AQR: variants seen among roughly 807,000 people sequenced by gnomAD.
AQR encodes RNA helicase aquarius.
Under a neutral mutation model 180.5 loss-of-function variants are expected in AQR, and 61 were observed. The observed-to-expected ratio is 0.34, with a 90% CI of 0.28 to 0.42. AQR has a LOEUF of 0.42. Among genes scored for constraint, AQR ranks in the 10% least tolerant of loss-of-function variants. The pLI is 1.00. For missense variants in AQR, 1,281 were observed against 1,798.3 expected, an observed-to-expected ratio of 0.71 and a Z score of 5.20; for synonymous variants, 551 against 588.8, an observed-to-expected ratio of 0.94 and a Z score of 0.93.
chr15:34,946,242 A>G (rs1301317966), intron 5 of AQR, among the ~76,000 whole-genome samples: 1 of 152,260 alleles, frequency 6.6e-6, no homozygotes, highest in Non-Finnish European at 1.5e-5. Context: ...TTTGCACTCC[A>G]GCCTGGATAA....
chr15:34,928,379 T>A (rs896728721), intron 12 of AQR, among the ~76,000 whole-genome samples: 1 of 152,114 alleles, frequency 6.6e-6, no homozygotes, highest in Non-Finnish European at 1.5e-5. Context: ...CTGGTGTGTG[T>A]TGTTTCCTTC....
intron 22 of AQR, among the ~76,000 whole-genome samples, chr15:34,894,589 TA>T (rs2140473182): frequency 6.6e-6 from 1 of 152,234 alleles, no homozygotes; most frequent in South Asian, 2.1e-4. Context: ...GCAAATATAA[TA>T]AGAGGCTATT....
intron 2 of AQR, among the ~76,000 whole-genome samples, chr15:34,962,239 T>A (rs1595813139): frequency 6.6e-6 from 1 of 152,154 alleles, no homozygotes; most frequent in South Asian, 2.1e-4. Flanking sequence ...CCCAGGTTGG[T>A]CTTGAACTCC....
chr15:34,893,237 T>G (rs1893177606), intron 23 of AQR, among the ~76,000 whole-genome samples: 1 of 152,332 alleles, frequency 6.6e-6, no homozygotes, highest in South Asian at 2.1e-4. Context: ...TTTCTATCCC[T>G]AATGCAGCCC....
intron 16 of AQR, among the ~76,000 whole-genome samples, chr15:34,914,665 C>T (rs958151772): frequency 3.9e-5 from 6 of 152,128 alleles, no homozygotes; most frequent in African/African-American, 1.2e-4. Context: ...CATAAGCTTC[C>T]TCCAGGACTT....
chr15:34,908,010 T>A (rs1474166863), intron 17 of AQR, among the ~76,000 whole-genome samples: 3 of 152,214 alleles, frequency 2.0e-5, no homozygotes, highest in African/African-American at 7.2e-5. Flanking sequence ...CTGGAGCAAA[T>A]CTGGCATTTC....
intron 24 of AQR, among the ~76,000 whole-genome samples, 159 bp downstream of exon 24, chr15:34,890,056 A>G (rs1893119980): frequency 6.6e-6 from 1 of 152,232 alleles, no homozygotes; most frequent in African/African-American, 2.4e-5. Flanking sequence ...GAGGGACATC[A>G]TGACCATATT....
intron 3 of AQR, among the ~76,000 whole-genome samples, chr15:34,957,157 AT>A (rs66859854): frequency 0.61 from 92,414 of 150,782 alleles, 30,514 homozygotes; most frequent in South Asian, 0.75. Context: ...GGTCATTTAA[AT>A]TTTTTTTTTC....
chr15:34,919,358 T>C (rs1893647964), intron 14 of AQR, among the ~76,000 whole-genome samples: 1 of 151,930 alleles, frequency 6.6e-6, no homozygotes, highest in Admixed American at 6.6e-5. Context: ...ATAGAAAAAA[T>C]CATGATATCT....
chr15:34,920,523 A>G (rs1566989634), intron 13 of AQR, 89 bp from the exon 14 acceptor site: 2 of 947,786 alleles, frequency 2.1e-6, no homozygotes, highest in South Asian at 3.0e-5. Flanking sequence ...TTAAAAAAGC[A>G]AATATAATAC....
chr15:34,946,793 G>A (rs1410513469), intron 5 of AQR, among the ~76,000 whole-genome samples: 1 of 146,734 alleles, frequency 6.8e-6, no homozygotes, highest in African/African-American at 2.5e-5. Flanking sequence ...CAGCTGCCCC[G>A]TCCGGGAAGT....
intron 22 of AQR, among the ~76,000 whole-genome samples, chr15:34,896,684 C>CTAATTTTTG (rs1274672374): frequency 6.6e-6 from 1 of 152,110 alleles, no homozygotes; most frequent in East Asian, 1.9e-4. Flanking sequence ...CCTGCCTCTA[C>CTAATTTTTG]TAAAAATACA....
chr15:34,892,744 T>A (rs1376402803), intron 23 of AQR, among the ~76,000 whole-genome samples: 4 of 152,190 alleles, frequency 2.6e-5, no homozygotes, highest in Non-Finnish European at 4.4e-5. Context: ...TCAGAACACA[T>A]ATATTAGCTT....
intron 20 of AQR, 88 bp from the exon 21 acceptor site, chr15:34,897,793 T>A: frequency 7.2e-7 from 1 of 1,386,042 alleles, no homozygotes; most frequent in Non-Finnish European, 1.0e-6. Flanking sequence ...TGCACGATAA[T>A]CAGAGGAGTA....
At chr15:34,937,878 T>C (rs1893968143) in intron 9 of AQR, among the ~76,000 whole-genome samples, 1 of 150,318 alleles carries the variant, frequency 6.7e-6, no homozygotes. Context: ...AGTGACACTC[T>C]GTCTCAAAAA....
intron 27 of AQR, among the ~76,000 whole-genome samples, chr15:34,880,540 A>G (rs951130996): frequency 2.0e-5 from 3 of 152,222 alleles, no homozygotes; most frequent in African/African-American, 7.2e-5. Flanking sequence ...ACAAACAAAA[A>G]AGGCGAAAAT....
intron 3 of AQR, among the ~76,000 whole-genome samples, chr15:34,957,924 C>A (rs977026092): frequency 6.6e-6 from 1 of 151,562 alleles, no homozygotes; most frequent in African/African-American, 2.4e-5. Context: ...AATAACATAG[C>A]GGTGGCCGGG....
At chr15:34,968,037 T>C (rs1019142633) in intron 1 of AQR, among the ~76,000 whole-genome samples, 1 of 152,048 alleles carries the variant, frequency 6.6e-6, no homozygotes, top group Non-Finnish European at 1.5e-5. Context: ...GGTCTCGAAC[T>C]CCCGACCTCA....
intron 30 of AQR, among the ~76,000 whole-genome samples, chr15:34,871,462 G>A (rs955088981): frequency 6.8e-6 from 1 of 148,082 alleles, no homozygotes; most frequent in African/African-American, 2.5e-5. Context: ...AGCTTCAATC[G>A]TGCCTCTGCA....
Sources: allele counts gnomAD v4.1 joint callset (sites outside exome capture counted in the v4.1 genomes callset), GRCh38; gene constraint gnomAD v4.1.1; transcripts MANE v1.5; gene names NCBI Gene and HGNC (gene_info 2026-07-23, HGNC 2026-07-21).